The following PTPRG variants were observed in gnomAD, a reference collection of about 807,000 sequenced individuals.
PTPRG encodes receptor-type tyrosine-protein phosphatase gamma.
A neutral mutation model predicts 165.3 loss-of-function variants in PTPRG; 102 were observed. The observed-to-expected ratio is 0.62, with a 90% CI of 0.53 to 0.73. The LOEUF (loss-of-function observed/expected upper bound fraction) is 0.73, where lower values mean the gene tolerates loss of function less well. Ranked by LOEUF, PTPRG falls within the 30% of genes least tolerant of loss-of-function variation. PTPRG has a pLI of 0.00. For missense variants in PTPRG, 1,866 were observed against 1,861.4 expected (o/e 1.00, Z -0.05); for synonymous variants, 675 against 669.5 (o/e 1.01, Z -0.13).
At chr3:62,129,776 C>T (rs906444285) in intron 5 of PTPRG, among the ~76,000 whole-genome samples, 1 of 152,098 alleles carries the variant, frequency 6.6e-6, no homozygotes, top group Non-Finnish European at 1.5e-5. Context: ...ATAAAATATT[C>T]CCTCTCATTC....
chr3:61,664,862 T>A lies in PTPRG; in HGVS notation c.86-84016T>A, dbSNP rs184968059. On this transcript the variant is annotated intron_variant, in intron 1 of 29. Coordinates refer to ENST00000474889, the MANE Select transcript of PTPRG (RefSeq NM_002841.4). ...AATAAATAAATAAAAATAAAAAAAA[T>A]AAAAAAGCATTTAGGAAGATATTGA... 6.6e-5 allele frequency among the ~76,000 whole-genome samples: 10 copies of A among 151,670 alleles called. 1 individual carries two copies. The East Asian group carries it at 2.0e-3, about 30-fold the overall frequency.
At chr3:62,086,978 T>C (rs910634927) in intron 5 of PTPRG, among the ~76,000 whole-genome samples, 2 of 152,352 alleles carry the variant, frequency 1.3e-5, no homozygotes, top group South Asian at 4.1e-4. Context: ...TTTGAATTCT[T>C]TGAATGTGAC....
intron 2 of PTPRG, among the ~76,000 whole-genome samples, chr3:61,758,100 C>CT (rs1379813982): frequency 6.6e-6 from 1 of 152,174 alleles, no homozygotes; most frequent in Non-Finnish European, 1.5e-5. Context: ...AGGTCTCACT[C>CT]TGTCACCCAG....
Position 62,203,793 on chromosome 3 carries a change from G to C in PTPRG, c.1998G>C (p.Leu666=). 1 of 1,613,478 alleles carries C rather than the reference G, an allele frequency of 6.2e-7. No individual in the cohort carries two copies. The highest frequency in any genetic ancestry group is 8.5e-7 in the Non-Finnish European group (1 of 1,179,738). ...GAAGGAGGGATGCCGGCCCAGGCCT[G>C]GACCCCGACATGGTCACCTCCACCC... ...TGGRRDAGPG[L]DPDMVTSTQV... Residue 666 remains leucine (L), a synonymous_variant, in exon 12 of 30, where the codon CTG becomes CTC. Transcript: ENST00000474889. The surrounding 1 kb of genome is among the most constrained non-coding windows in gnomAD (Gnocchi z 6.4).
In PTPRG at chr3:61,836,859, G is replaced by A. The variant is rs142363807; in HGVS notation, c.190+87877G>A. Among the ~76,000 whole-genome samples the A allele has an allele frequency of 3.0e-3, 456 of 150,592 alleles. 1 individual carries two copies. The highest frequency in any genetic ancestry group is 0.011 in the African/African-American group (438 of 40,972). On this transcript the variant is annotated intron_variant, in intron 2 of 29. Coordinates refer to ENST00000474889, the MANE Select transcript of PTPRG (RefSeq NM_002841.4). The stretch of plus-strand genomic sequence containing the variant: ...TCCCGGGTTCAAGCAGTTCTCCTGC[G>A]TCAGCCTCCCTAGTAGCTGGGACTA...
At chr3:61,718,479 A>G (rs889730192) in intron 1 of PTPRG, among the ~76,000 whole-genome samples, 6 of 152,164 alleles carry the variant, frequency 3.9e-5, no homozygotes, top group Non-Finnish European at 5.9e-5. Flanking sequence ...CAATCATGTG[A>G]CATTGTGACA....
At chr3:61,731,002 C>T (rs1269195458) in intron 1 of PTPRG, among the ~76,000 whole-genome samples, 1 of 152,158 alleles carries the variant, frequency 6.6e-6, no homozygotes, top group Non-Finnish European at 1.5e-5. Flanking sequence ...TAACTCAGTT[C>T]CCTCTGAAAA....
At chr3:61,759,653 C>T (rs896573172) in intron 2 of PTPRG, among the ~76,000 whole-genome samples, 1 of 151,930 alleles carries the variant, frequency 6.6e-6, no homozygotes, top group Non-Finnish European at 1.5e-5. Flanking sequence ...GACCCTGTCT[C>T]AAAAATAATA....
intron 2 of PTPRG, among the ~76,000 whole-genome samples, chr3:61,812,442 T>C (rs759340507): frequency 2.2e-4 from 33 of 152,258 alleles, no homozygotes; most frequent in Middle Eastern, 3.2e-3. Context: ...ATGTACATTT[T>C]TGTGGTGTAA....
intron 2 of PTPRG, among the ~76,000 whole-genome samples, chr3:61,965,921 T>C (rs1372452763): frequency 6.6e-6 from 1 of 152,232 alleles, no homozygotes; most frequent in Non-Finnish European, 1.5e-5. Context: ...TTTCTTTCTT[T>C]ATTGAACTTG....
rs183853345 is a variant in PTPRG at position 61,974,009 on chromosome 3, C to T, written c.191-15616C>T. Among the ~76,000 whole-genome samples, 496 of 151,892 alleles carry T rather than the reference C, an allele frequency of 3.3e-3. 2 individuals are homozygous for T. Among genetic ancestry groups the T allele is most frequent in the African/African-American group, 0.011 (465 of 41,408 alleles). On this transcript the variant is annotated intron_variant, in intron 2 of 29. Transcript: ENST00000474889. ...TTTCATGGTATTAGTGATATTTAAA[C>T]AGGTAGTTGAAGAACTGTGGAACCA...
At chr3:62,270,990 T>C (rs192637555) in intron 20 of PTPRG, among the ~76,000 whole-genome samples, 10 of 151,746 alleles carry the variant, frequency 6.6e-5, no homozygotes, top group African/African-American at 2.4e-4. Flanking sequence ...GCCTGGACAG[T>C]GGAGAAGGAA....
rs368401020 is a variant in PTPRG at position 62,217,610 on chromosome 3, A to T, written c.2156-1241A>T. ...TGCAGGAGGAATCCTTGCTGGGCTC[A>T]AGTCAGCCTGCAGCCAATGTTAGAT... is the stretch of plus-strand genomic sequence containing the variant. On this transcript the variant is annotated intron_variant, in intron 12 of 29. Transcript: ENST00000474889. The surrounding 1 kb of genome is among the most constrained non-coding windows in gnomAD (Gnocchi z 4.3). 2.0e-5 allele frequency: 3 copies of T among 152,416 alleles called. No homozygotes were observed. The East Asian group carries it at 5.8e-4, about 29-fold the overall frequency. The allele number at this position is 152,416 out of a possible 1,614,324, so 9.4% of individuals were successfully genotyped here. A position where few individuals can be genotyped will look rare whatever the true frequency, so the allele number is the denominator to read the frequency against.
In PTPRG at chr3:62,276,997, A is replaced by G; in HGVS notation, c.3585A>G (p.Ala1195=). The part of the protein sequence containing the change: ...VPSERARVGL[A]PLPGMKGTDY... ...CTGAGCGTGCTCGAGTGGGTCTTGC[A>G]CCATTGCCTGGAATGAAAGGAACAG... is the stretch of plus-strand genomic sequence containing the variant. The change falls in exon 25 of 30, where the codon GCA becomes GCG. Residue 1195 remains alanine (A), a synonymous_variant. Transcript: ENST00000474889. 1 of 1,613,218 alleles carries G rather than the reference A, an allele frequency of 6.2e-7. No homozygotes were observed. The highest frequency in any genetic ancestry group is 8.5e-7 in the Non-Finnish European group (1 of 1,179,412).
At chr3:61,925,495 G>C (rs1053820002) in intron 2 of PTPRG, among the ~76,000 whole-genome samples, 1 of 152,220 alleles carries the variant, frequency 6.6e-6, no homozygotes, top group Non-Finnish European at 1.5e-5. Flanking sequence ...TGTAATGCCA[G>C]CACTTTGGGA....
At chr3:62,107,898 T>C (rs942917609) in intron 5 of PTPRG, among the ~76,000 whole-genome samples, 3 of 152,226 alleles carry the variant, frequency 2.0e-5, no homozygotes, top group African/African-American at 7.2e-5. Context: ...ATGCTGATGA[T>C]AAATCCGTGG....
chr3:61,854,311 A>G (rs931489156), intron 2 of PTPRG, among the ~76,000 whole-genome samples: 4 of 152,166 alleles, frequency 2.6e-5, no homozygotes, highest in African/African-American at 4.8e-5. Flanking sequence ...CCATAATTAT[A>G]AAAACATTGA....
chr3:62,231,696 C>A (rs1700905651), intron 14 of PTPRG, among the ~76,000 whole-genome samples: 1 of 151,872 alleles, frequency 6.6e-6, no homozygotes. Flanking sequence ...TGCATATAGC[C>A]TTATGTGAAA....
At chr3:61,676,548 T>TCA (rs1023549171) in intron 1 of PTPRG, among the ~76,000 whole-genome samples, 3 of 151,408 alleles carry the variant, frequency 2.0e-5, no homozygotes, top group Non-Finnish European at 2.9e-5. Flanking sequence ...TATTTTACTT[T>TCA]CACACACACA....
Sources: gnomAD v4.1 joint callset for allele counts (sites outside exome capture counted in the v4.1 genomes callset) on GRCh38, gnomAD v4.1.1 for gene constraint, Gnocchi (gnomAD v3.1) non-coding constraint, MANE v1.5 for transcripts, NCBI Gene and HGNC (gene_info 2026-07-23, HGNC 2026-07-21) for gene names.